The following PRUNE2 variants were observed in gnomAD, a reference collection of about 807,000 sequenced individuals.
PRUNE2 encodes prune homolog 2 with BCH domain.
Under a neutral mutation model 252.0 loss-of-function variants are expected in PRUNE2, and 164 were observed. That is an observed-to-expected ratio of 0.65 (90% CI 0.57 to 0.74). The LOEUF is 0.74. Among genes scored for constraint, PRUNE2 ranks in the 30% least tolerant of loss-of-function variants. The pLI is 0.00. For missense variants in PRUNE2, 3,495 were observed against 3,711.0 expected (o/e 0.94, Z 1.51); for synonymous variants, 1,292 against 1,350.2 (o/e 0.96, Z 0.94).
At chr9:76,811,592 G>A (rs1178436510) in intron 6 of PRUNE2, among the ~76,000 whole-genome samples, 1 of 152,266 alleles carries the variant, frequency 6.6e-6, no homozygotes, top group South Asian at 2.1e-4. Flanking sequence ...TCCTTCATGA[G>A]TAAAAGGCCA....
intron 9 of PRUNE2, among the ~76,000 whole-genome samples, chr9:76,658,496 T>C (rs1333103343): frequency 5.3e-5 from 8 of 152,220 alleles, no homozygotes; most frequent in Admixed American, 4.6e-4. Context: ...ACCACATTCA[T>C]ACATTAAGCC....
intron 6 of PRUNE2, among the ~76,000 whole-genome samples, chr9:76,717,663 T>C (rs79460684): frequency 0.022 from 3,394 of 152,060 alleles, 58 homozygotes; most frequent in East Asian, 0.086. Context: ...AAGCACTTCC[T>C]GTTGAACTTA....
At chr9:76,768,645 A>G (rs956041437) in intron 6 of PRUNE2, among the ~76,000 whole-genome samples, 6 of 150,872 alleles carry the variant, frequency 4.0e-5, no homozygotes, top group African/African-American at 1.5e-4. Flanking sequence ...TGACTAGATC[A>G]TCAACAATTT....
chr9:76,772,042 AAACT>A (rs2130958404), intron 6 of PRUNE2, among the ~76,000 whole-genome samples: 1 of 152,314 alleles, frequency 6.6e-6, no homozygotes, highest in Non-Finnish European at 1.5e-5. Flanking sequence ...GGCTCCACAC[AAACT>A]ACCTTTTAAC....
At chr9:76,753,813 G>C (rs1265599582) in intron 6 of PRUNE2, among the ~76,000 whole-genome samples, 2 of 152,140 alleles carry the variant, frequency 1.3e-5, no homozygotes, top group East Asian at 3.9e-4. Context: ...AGCTACTCGG[G>C]AGGCTGAGGC....
intron 9 of PRUNE2, among the ~76,000 whole-genome samples, chr9:76,676,025 C>A (rs2042489732): frequency 6.7e-6 from 1 of 149,334 alleles, no homozygotes; most frequent in Admixed American, 6.7e-5. Context: ...TGTAACTAAC[C>A]TGCACAATGT....
At position 76,710,359 on chromosome 9, in the gene PRUNE2, T is replaced by C. The variant is rs1438732131; in HGVS notation, c.1915A>G (p.Thr639Ala). ...GGTGGCCCCATGTGACCTGTGTCAG[T>C]TGCTTTTTGGGTCATATCTTCTGTA... is the stretch of plus-strand genomic sequence containing the variant. The part of the protein sequence containing the change: ...LYTEDMTQKA[T>A]DTGHMGPPQT... The change falls in exon 8 of 19, where the codon ACT becomes GCT. Residue 639 changes from threonine to alanine, a missense_variant. Physicochemically the swap from Thr to Ala is moderately conservative, Grantham distance 58 (BLOSUM62 0). Transcript: ENST00000376718. 7 of 1,613,856 alleles carry C rather than the reference T, an allele frequency of 4.3e-6. No individual in the cohort carries two copies. Among genetic ancestry groups the C allele is most frequent in the Non-Finnish European group, 5.9e-6 (7 of 1,179,886 alleles).
chr9:76,885,096 G>A (rs2062013057), intron 1 of PRUNE2, among the ~76,000 whole-genome samples: 1 of 152,198 alleles, frequency 6.6e-6, no homozygotes. Flanking sequence ...AAGGAGTAAG[G>A]AGCTCCCCAC....
At chr9:76,783,764 A>G (rs985722022) in intron 6 of PRUNE2, 2 of 152,176 alleles carry the variant, frequency 1.3e-5, no homozygotes, top group African/African-American at 4.8e-5. Flanking sequence ...GCTGAAATGG[A>G]GATAATTAAC....
At chr9:76,780,915 G>A (rs552768815) in intron 6 of PRUNE2, among the ~76,000 whole-genome samples, 43 of 152,164 alleles carry the variant, frequency 2.8e-4, no homozygotes, top group Non-Finnish European at 4.7e-4. Flanking sequence ...CCTCATCCCC[G>A]TGTGTTTCCC....
chr9:76,858,421 T>C (rs974131896), intron 1 of PRUNE2, among the ~76,000 whole-genome samples: 1 of 152,140 alleles, frequency 6.6e-6, no homozygotes, highest in African/African-American at 2.4e-5. Context: ...TGGAATACTA[T>C]GCAGCCATAA....
chr9:76,854,899 C>G (rs2060156535), intron 1 of PRUNE2, among the ~76,000 whole-genome samples: 1 of 151,054 alleles, frequency 6.6e-6, no homozygotes, highest in African/African-American at 2.4e-5. Context: ...CCCATGTCTA[C>G]TAAAAAATAA....
chr9:76,856,965 G>T (rs904513313), intron 1 of PRUNE2: 2 of 416,006 alleles, frequency 4.8e-6, no homozygotes, highest in African/African-American at 4.1e-5. Context: ...TGTTGGCCAG[G>T]CTGGTCTCAA....
intron 2 of PRUNE2, among the ~76,000 whole-genome samples, chr9:76,853,258 T>C (rs1215712350): frequency 6.6e-6 from 1 of 152,208 alleles, no homozygotes; most frequent in African/African-American, 2.4e-5. Context: ...CTAGCATTCG[T>C]GTGAATTTAA....
At chr9:76,615,853 G>C (rs1351829676) in intron 18 of PRUNE2, among the ~76,000 whole-genome samples, 1 of 124,028 alleles carries the variant, frequency 8.1e-6, no homozygotes, top group Non-Finnish European at 1.6e-5. Flanking sequence ...TACTGCAACC[G>C]CCGTCTCCTA....
Position 76,693,439 on chromosome 9 carries a change from C to CTTTTTTT in PRUNE2, c.8276+9891_8276+9897dup, listed in dbSNP as rs550030416. ...TGCTTAAGAGATGTTAGCACCTACT[C>CTTTTTTT]TTTTTTTTTTTTTTTTTTTTTGGAG... is the stretch of plus-strand genomic sequence containing the variant. On this transcript the variant is annotated intron_variant, in intron 9 of 18. Coordinates refer to ENST00000376718, the MANE Select transcript of PRUNE2 (RefSeq NM_015225.3). Among the ~76,000 whole-genome samples, 80 of 108,028 alleles carry CTTTTTTT rather than the reference C, an allele frequency of 7.4e-4. 3 individuals carry two copies. The highest frequency in any genetic ancestry group is 6.4e-3 in the East Asian group (18 of 2,804). 70.9% of individuals were successfully genotyped at this position (108,028 alleles called of 152,430 possible).
At chr9:76,794,241 A>C (rs1266992492) in intron 6 of PRUNE2, among the ~76,000 whole-genome samples, 2 of 152,214 alleles carry the variant, frequency 1.3e-5, no homozygotes, top group African/African-American at 4.8e-5. Flanking sequence ...CTGATATGGC[A>C]AATGGCGGAA....
At chr9:76,809,693 AAAACAAAC>A (rs887447364) in intron 6 of PRUNE2, among the ~76,000 whole-genome samples, 40 of 152,160 alleles carry the variant, frequency 2.6e-4, no homozygotes, top group African/African-American at 9.4e-4. Context: ...AGACTCCATC[AAAACAAAC>A]AAACAAACAA....
intron 9 of PRUNE2, among the ~76,000 whole-genome samples, chr9:76,673,655 A>T (rs1330389106): frequency 6.6e-6 from 1 of 150,452 alleles, no homozygotes; most frequent in Non-Finnish European, 1.5e-5. Flanking sequence ...AAAATCCTCA[A>T]TAAAATACTG....
Sources: allele counts gnomAD v4.1 joint callset (sites outside exome capture counted in the v4.1 genomes callset), GRCh38; gene constraint gnomAD v4.1.1; transcripts MANE v1.5; gene names NCBI Gene and HGNC (gene_info 2026-07-23, HGNC 2026-07-21).